The following IGDCC3 variants were observed in gnomAD, a reference collection of about 807,000 sequenced individuals.
IGDCC3 encodes the protein immunoglobulin superfamily DCC subclass member 3, also known as putative neuronal cell adhesion molecule.
A neutral mutation model predicts 72.0 loss-of-function variants in IGDCC3; 47 were observed. The observed-to-expected ratio is 0.65, with a 90% CI of 0.52 to 0.83. The LOEUF (loss-of-function observed/expected upper bound fraction) is 0.83, where lower values mean the gene tolerates loss of function less well. Ranked by LOEUF, IGDCC3 falls within the 40% of genes least tolerant of loss-of-function variation. The pLI, the probability that IGDCC3 is intolerant of heterozygous loss-of-function variation, is 0.00. For synonymous variants in IGDCC3, 477 were observed against 472.8 expected (o/e 1.01, Z -0.11); for missense variants, 1,038 against 1,091.3 (o/e 0.95, Z 0.69).
intron 2 of IGDCC3, among the ~76,000 whole-genome samples, chr15:65,348,801 T>C (rs1419794692): frequency 6.6e-6 from 1 of 152,204 alleles, no homozygotes; most frequent in Admixed American, 6.5e-5. Flanking sequence ...TGTTAACTGC[T>C]ATCTCTTTGG....
At chr15:65,351,828 T>C (rs550917337) in intron 2 of IGDCC3, among the ~76,000 whole-genome samples, 10 of 152,358 alleles carry the variant, frequency 6.6e-5, no homozygotes, top group African/African-American at 2.4e-4. Context: ...ATAATTGTTA[T>C]GTAACATTTT....
chr15:65,364,697 C>T (rs1567071105), intron 2 of IGDCC3, among the ~76,000 whole-genome samples: 1 of 150,090 alleles, frequency 6.7e-6, no homozygotes, highest in Non-Finnish European at 1.5e-5. Context: ...GCCTGAAAAA[C>T]GTGGTGGAAC....
rs1402516825 is a variant in IGDCC3 at position 65,331,435 on chromosome 15, A to G, written c.1373T>C (p.Val458Ala). 1 of 1,610,422 alleles carries G rather than the reference A, an allele frequency of 6.2e-7. No individual in the cohort carries two copies. The highest frequency in any genetic ancestry group is 8.5e-7 in the Non-Finnish European group (1 of 1,177,946). Residue 458 changes from valine (V) to alanine (A), a missense_variant, in exon 8 of 14, where the codon GTC (valine) becomes GCC (alanine). By Grantham distance (64) the Val-to-Ala change is moderately conservative. Transcript: ENST00000327987. ...LANTKEIIGY[V>A]LHIRKAADPP... ...ACCAGCAGCCTTCCTGATGTGCAGGACGTAGCCGATGATCTCCTTGGTGTT... is the reference window on the plus strand; with the variant it reads ...ACCAGCAGCCTTCCTGATGTGCAGGGCGTAGCCGATGATCTCCTTGGTGTT...
intron 2 of IGDCC3, among the ~76,000 whole-genome samples, chr15:65,336,744 G>A (rs1341342821): frequency 6.6e-6 from 1 of 152,020 alleles, no homozygotes; most frequent in African/African-American, 2.4e-5. Context: ...AGTGCAGAGG[G>A]GCTGTGGTGC....
intron 2 of IGDCC3, among the ~76,000 whole-genome samples, chr15:65,343,839 G>C (rs1393992077): frequency 6.6e-6 from 1 of 152,206 alleles, no homozygotes; most frequent in Non-Finnish European, 1.5e-5. Context: ...TGAGGAGAAA[G>C]GTGGTGGAGA....
Position 65,348,530 on chromosome 15 carries a change from G to A in IGDCC3, c.410-12574C>T, listed in dbSNP as rs564278744. Among the ~76,000 whole-genome samples the A allele has an allele frequency of 2.8e-3, 428 of 152,296 alleles. 1 individual carries two copies. The highest frequency in any genetic ancestry group is 9.9e-3 in the African/African-American group (412 of 41,556). On this transcript the variant is annotated intron_variant, in intron 2 of 13. Coordinates refer to ENST00000327987, the MANE Select transcript of IGDCC3 (RefSeq NM_004884.4). ...CAACCCAAAGGGAATAGACTGCAGT[G>A]CTGACTGGAAGACTTTGGGTAAGTG... is the stretch of plus-strand genomic sequence containing the variant.
In IGDCC3 at chr15:65,351,378, C is replaced by CA. The variant is rs530041265; in HGVS notation, c.410-15423dup. Reference sequence around the variant, plus strand: ...TGAAACTCCATCTCTACTAAAAATACAAAAAATTAGCTGGGTATGGTGGCG... The same window carrying CA: ...TGAAACTCCATCTCTACTAAAAATACAAAAAAATTAGCTGGGTATGGTGGCG... On this transcript the variant is annotated intron_variant, in intron 2 of 13. Coordinates refer to ENST00000327987, the MANE Select transcript of IGDCC3 (RefSeq NM_004884.4). Among the ~76,000 whole-genome samples the CA allele has an allele frequency of 4.0e-3, 606 of 152,108 alleles. 6 individuals are homozygous for CA. Among genetic ancestry groups the CA allele is most frequent in the African/African-American group, 0.014 (565 of 41,516 alleles).
chr15:65,373,049 A>C (rs2091336825), intron 2 of IGDCC3, among the ~76,000 whole-genome samples: 1 of 152,198 alleles, frequency 6.6e-6, no homozygotes, highest in Admixed American at 6.5e-5. Context: ...CTATATTGTT[A>C]GGAGTTTAAG....
chr15:65,366,807 C>T (rs1051588568), intron 2 of IGDCC3, among the ~76,000 whole-genome samples: 4 of 152,150 alleles, frequency 2.6e-5, no homozygotes, highest in Non-Finnish European at 5.9e-5. Flanking sequence ...CCCAGCTTCC[C>T]ACCTTCACTG....
chr15:65,328,564 C>T lies in IGDCC3; in HGVS notation c.*345G>A, dbSNP rs932707773. 2.0e-5 allele frequency: 4 copies of T among 204,004 alleles called. No homozygotes were observed. Among genetic ancestry groups the T allele is most frequent in the African/African-American group, 6.9e-5 (3 of 43,590 alleles). The allele number at this position is 204,004 out of a possible 1,614,324, so 12.6% of individuals were successfully genotyped here. A position where few individuals can be genotyped will look rare whatever the true frequency, so the allele number is the denominator to read the frequency against. On this transcript the variant is annotated 3_prime_UTR_variant, in exon 14 of 14. Coordinates refer to ENST00000327987, the MANE Select transcript of IGDCC3 (RefSeq NM_004884.4). ...CAGGGTCATCTTTTGGAGTCTAATT[C>T]ACCTTCCTCTATCTCTCTCCTCTTT...
chr15:65,334,920 C>T, intron 4 of IGDCC3, 55 bp from the exon 5 acceptor site: 1 of 1,559,994 alleles, frequency 6.4e-7, no homozygotes, highest in African/African-American at 1.4e-5. Context: ...CCCGCTTCCT[C>T]ACCCCACCCA....
chr15:65,330,414 C>A lies in IGDCC3; in HGVS notation c.1754-17G>T. On this transcript the variant is annotated splice_polypyrimidine_tract_variant and intron_variant, in intron 10 of 13. Transcript: ENST00000327987. ...CAGTGGGGTCTGGAGGAAGGCAGGG[C>A]GGATGAGCAACTGCCCCTGCCCAAC... 1 of 1,602,202 alleles carries A rather than the reference C, an allele frequency of 6.2e-7. No individual in the cohort carries two copies. The highest frequency in any genetic ancestry group is 8.5e-7 in the Non-Finnish European group (1 of 1,170,642).
rs1386257774 is a variant in IGDCC3, at chr15:65,329,562, G to A, written c.2033C>T (p.Ser678Phe). The change falls in exon 13 of 14, where the codon TCC becomes TTC. Residue 678 changes from serine (S) to phenylalanine (F), a missense_variant. By Grantham distance (155) the Ser-to-Phe change is radical. Coordinates refer to ENST00000327987, the MANE Select transcript of IGDCC3 (RefSeq NM_004884.4). The surrounding 1 kb of genome is among the most constrained non-coding windows in gnomAD (Gnocchi z 4.1). ...CTGGCTCCGGGGACCCTGTGGAGGG[G>A]ACAGCTGGTTTTCCACATCTTTACA... ...LLCKDVENQL[S>F]PPQGPRSQRD... is the part of the protein sequence containing the mutation. 2 of 1,612,050 alleles carry A rather than the reference G, an allele frequency of 1.2e-6. No homozygotes were observed. Among genetic ancestry groups the A allele is most frequent in the Non-Finnish European group, 1.7e-6 (2 of 1,179,502 alleles).
intron 2 of IGDCC3, among the ~76,000 whole-genome samples, chr15:65,363,655 G>T (rs908259440): frequency 7.8e-6 from 1 of 128,682 alleles, no homozygotes; most frequent in African/African-American, 3.4e-5. Context: ...GCCCACCCCC[G>T]CCACCCGCCT....
intron 4 of IGDCC3, 127 bp from the exon 5 acceptor site, chr15:65,334,992 A>G: frequency 8.7e-7 from 1 of 1,146,470 alleles, no homozygotes; most frequent in South Asian, 1.6e-5. Flanking sequence ...CTGTGGGCAG[A>G]GAGATACCAG....
At chr15:65,344,498 C>T (rs965878131) in intron 2 of IGDCC3, among the ~76,000 whole-genome samples, 7 of 152,190 alleles carry the variant, frequency 4.6e-5, no homozygotes, top group Non-Finnish European at 2.9e-5. Context: ...CTCACAGCCA[C>T]CTCTGACAAA....
rs1173105689 is a variant in IGDCC3 at position 65,328,297 on chromosome 15, T to TTTC, written c.*611_*612insGAA. On this transcript the variant is annotated 3_prime_UTR_variant, in exon 14 of 14. Transcript: ENST00000327987. ...TCACACCTGGAAACGGGGAAGTGCT[T>TTTC]TTTTTTTTTTTTTTTTTTTTACTCT... is the stretch of plus-strand genomic sequence containing the variant. The TTTC allele has an allele frequency of 2.4e-5, 3 of 122,546 alleles. No individual in the cohort carries two copies. Among genetic ancestry groups the TTTC allele is most frequent in the Non-Finnish European group, 5.4e-5 (3 of 55,420 alleles). 7.6% of individuals were successfully genotyped at this position (122,546 alleles called of 1,614,324 possible).
At chr15:65,350,178 C>T (rs1032999226) in intron 2 of IGDCC3, among the ~76,000 whole-genome samples, 7 of 152,152 alleles carry the variant, frequency 4.6e-5, no homozygotes, top group African/African-American at 7.2e-5. Flanking sequence ...GTTGTCCAGT[C>T]GGGAGTGCAG....
chr15:65,332,213 G>T, intron 6 of IGDCC3, 107 bp from the exon 7 acceptor site: 1 of 1,323,460 alleles, frequency 7.6e-7, no homozygotes, highest in Non-Finnish European at 1.0e-6. Flanking sequence ...GTGAGAGGTG[G>T]GCTCCAAACA....
Sources: gnomAD v4.1 joint callset for allele counts (sites outside exome capture counted in the v4.1 genomes callset) on GRCh38, gnomAD v4.1.1 for gene constraint, Gnocchi (gnomAD v3.1) non-coding constraint, MANE v1.5 for transcripts, NCBI Gene and HGNC (gene_info 2026-07-23, HGNC 2026-07-21) for gene names.